Variants in RAPGEF2 observed in about 807,000 individuals in gnomAD.
RAPGEF2 encodes the protein Rap guanine nucleotide exchange factor 2.
A neutral mutation model predicts 186.7 loss-of-function variants in RAPGEF2; 54 were observed. The observed-to-expected ratio is 0.29, with a 90% confidence interval of 0.23 to 0.36. The LOEUF is 0.36. Ranked by LOEUF, RAPGEF2 falls within the 10% of genes least tolerant of loss-of-function variation. The pLI is 1.00. For synonymous variants in RAPGEF2, 712 were observed against 705.9 expected (o/e 1.01, Z -0.14); for missense variants, 1,532 against 2,045.0 (o/e 0.75, Z 4.84).
At chr4:159,275,719 T>A (rs1300289214) in intron 7 of RAPGEF2, among the ~76,000 whole-genome samples, 1 of 152,108 alleles carries the variant, frequency 6.6e-6, no homozygotes, top group Non-Finnish European at 1.5e-5. Flanking sequence ...CATCTTATTA[T>A]AGGGTATTTT....
chr4:159,125,940 A>G (rs373529469), intron 1 of RAPGEF2, among the ~76,000 whole-genome samples: 1 of 152,246 alleles, frequency 6.6e-6, no homozygotes, highest in Middle Eastern at 3.4e-3. Flanking sequence ...GAATTTGGCA[A>G]CAGTATCTTG....
intron 7 of RAPGEF2, among the ~76,000 whole-genome samples, chr4:159,286,330 A>G (rs1268076028): frequency 6.6e-6 from 1 of 151,992 alleles, no homozygotes; most frequent in Non-Finnish European, 1.5e-5. Flanking sequence ...GGTCCAAGCT[A>G]CCATCGTCTC....
At chr4:159,330,688 T>C (rs968856065) in intron 13 of RAPGEF2, 190 bp downstream of exon 13, 6 of 498,962 alleles carry the variant, frequency 1.2e-5, no homozygotes, top group South Asian at 3.1e-5. Context: ...CTTAGAAATA[T>C]GAACAAAATA....
At chr4:159,162,452 T>A (rs182881985) in intron 1 of RAPGEF2, among the ~76,000 whole-genome samples, 14 of 152,028 alleles carry the variant, frequency 9.2e-5, no homozygotes, top group Admixed American at 9.2e-4. Flanking sequence ...TTATTATAAT[T>A]GTTCTTAGAA....
At chr4:159,104,515 A>AGAGAGAGAGAGAGG (rs1560964586) in intron 1 of RAPGEF2, among the ~76,000 whole-genome samples, 6 of 130,400 alleles carry the variant, frequency 4.6e-5, no homozygotes, top group African/African-American at 1.3e-4. Flanking sequence ...AGAGAGAGAG[A>AGAGAGAGAGAGAGG]GAGAGAGAGA....
intron 9 of RAPGEF2, 83 bp from the exon 10 acceptor site, chr4:159,322,260 AAAAG>A (rs752889878): frequency 7.4e-5 from 95 of 1,279,426 alleles, no homozygotes; most frequent in Non-Finnish European, 7.4e-5. Flanking sequence ...AGGGCATTTA[AAAAG>A]AAAGGACCCT....
chr4:159,158,501 C>T (rs1030106501), intron 1 of RAPGEF2, among the ~76,000 whole-genome samples: 9 of 152,156 alleles, frequency 5.9e-5, no homozygotes. Context: ...TAAAAAATTT[C>T]CTACCCAAAT....
At chr4:159,231,922 A>G (rs1752686346) in intron 4 of RAPGEF2, among the ~76,000 whole-genome samples, 1 of 152,094 alleles carries the variant, frequency 6.6e-6, no homozygotes, top group African/African-American at 2.4e-5. Context: ...CTATCACTTC[A>G]TTGTTAAGTT....
intron 1 of RAPGEF2, among the ~76,000 whole-genome samples, chr4:159,118,490 C>T (rs1053312409): frequency 6.6e-6 from 1 of 151,948 alleles, no homozygotes; most frequent in African/African-American, 2.4e-5. Flanking sequence ...TCCTGCACCC[C>T]CCCGCCCAAC....
chr4:159,353,865 C>T lies in RAPGEF2; in HGVS notation c.4470C>T (p.Ser1490=), dbSNP rs1324330639. 2 of 1,614,058 alleles carry T rather than the reference C, an allele frequency of 1.2e-6. No individual in the cohort carries two copies. The highest frequency in any genetic ancestry group is 1.7e-6 in the Non-Finnish European group (2 of 1,180,022). The change falls in exon 28 of 30, where the codon TCC becomes TCT. Residue 1490 remains serine (S), a synonymous_variant. Transcript: ENST00000691494. This position sits in a 1 kb window ranked among gnomAD's most constrained non-coding sequence, Gnocchi z 4.3. ...AGTCCCGAGCAAGCTGGGCGTCTTCCACAGGTTACTGGGGAGAAGACTCAG... is the reference window on the plus strand; with the variant it reads ...AGTCCCGAGCAAGCTGGGCGTCTTCTACAGGTTACTGGGGAGAAGACTCAG... The part of the protein sequence containing the change: ...QAQSRASWAS[S]TGYWGEDSEG...
At chr4:159,347,031 C>T (rs770389885) in intron 25 of RAPGEF2, 33 bp downstream of exon 25, 14 of 1,569,790 alleles carry the variant, frequency 8.9e-6, no homozygotes, top group South Asian at 7.8e-5. Flanking sequence ...TTTTTTGGTG[C>T]CATTCACTGT....
chr4:159,353,109 T>G lies in RAPGEF2; in HGVS notation c.4091+199T>G, dbSNP rs1731436572. 6.6e-6 allele frequency among the ~76,000 whole-genome samples: 1 copy of G among 152,222 alleles called. No individual in the cohort carries two copies. The highest frequency in any genetic ancestry group is 6.5e-5 in the Admixed American group (1 of 15,282). ...AAGCAGACTGCTTTTTTAGTTAAGT[T>G]TATTCTTCATTGGAACACAGTTGTT... On this transcript the variant is annotated intron_variant, in intron 27 of 29. Coordinates refer to ENST00000691494, the MANE Select transcript of RAPGEF2 (RefSeq NM_001394067.2). The surrounding 1 kb of genome is among the most constrained non-coding windows in gnomAD (Gnocchi z 4.3).
intron 26 of RAPGEF2, chr4:159,350,909 G>T: frequency 1.1e-6 from 1 of 917,766 alleles, no homozygotes; most frequent in Non-Finnish European, 1.6e-6. Context: ...AAAGCCAAAA[G>T]GGCTTAATAC....
At chr4:159,141,171 TC>T (rs1331177092) in intron 1 of RAPGEF2, among the ~76,000 whole-genome samples, 58 of 152,314 alleles carry the variant, frequency 3.8e-4, no homozygotes, top group Middle Eastern at 3.4e-3. Flanking sequence ...GAGAAAGTCT[TC>T]CTCCTGTATA....
At chr4:159,343,606 A>G (rs949184447) in intron 22 of RAPGEF2, among the ~76,000 whole-genome samples, 2 of 152,216 alleles carry the variant, frequency 1.3e-5, no homozygotes, top group African/African-American at 4.8e-5. Flanking sequence ...GGCTGTCAGT[A>G]AAAACAGTTT....
intron 7 of RAPGEF2, among the ~76,000 whole-genome samples, chr4:159,249,628 C>G (rs1351486676): frequency 6.6e-6 from 1 of 151,832 alleles, no homozygotes; most frequent in Non-Finnish European, 1.5e-5. Flanking sequence ...ACGTATTTAT[C>G]TATATAAAAT....
chr4:159,260,093 G>A (rs1367395903), intron 7 of RAPGEF2, among the ~76,000 whole-genome samples: 1 of 152,006 alleles, frequency 6.6e-6, no homozygotes, highest in Non-Finnish European at 1.5e-5. Context: ...GACCTCCCAG[G>A]CTCAAGTGAT....
At chr4:159,179,576 A>G (rs1162754462) in intron 1 of RAPGEF2, among the ~76,000 whole-genome samples, 1 of 152,226 alleles carries the variant, frequency 6.6e-6, no homozygotes, top group East Asian at 1.9e-4. Context: ...TCAGCACCCC[A>G]TTCTTACTCA....
At position 159,133,848 on chromosome 4, in the gene RAPGEF2, C is replaced by T. The variant is rs187026313; in HGVS notation, c.69+29617C>T. Among the ~76,000 whole-genome samples, 1,012 of 151,932 alleles carry T rather than the reference C, an allele frequency of 6.7e-3. 15 individuals carry two copies. Among genetic ancestry groups the T allele is most frequent in the African/African-American group, 0.022 (927 of 41,430 alleles). ...TCCGCCCGCCTCGGCCTCCCAAAGT[C>T]CTGGGATTACAGGCGTGAGCCACCG... On this transcript the variant is annotated intron_variant, in intron 1 of 29. Coordinates refer to ENST00000691494, the MANE Select transcript of RAPGEF2 (RefSeq NM_001394067.2).
Sources: gnomAD v4.1 joint callset for allele counts (sites outside exome capture counted in the v4.1 genomes callset) on GRCh38, gnomAD v4.1.1 for gene constraint, Gnocchi (gnomAD v3.1) non-coding constraint, MANE v1.5 for transcripts, NCBI Gene and HGNC (gene_info 2026-07-23, HGNC 2026-07-21) for gene names.